Variants in LAMA2 observed in about 807,000 individuals in gnomAD.
LAMA2 encodes the protein laminin subunit alpha 2.
LAMA2 carries 269 observed loss-of-function variants against 364.8 expected under a neutral mutation model. That is an observed-to-expected ratio of 0.74 (90% CI 0.67 to 0.82). LAMA2 has a LOEUF of 0.82. Among genes scored for constraint, LAMA2 ranks in the 40% least tolerant of loss-of-function variants. LAMA2 has a pLI of 0.00. For synonymous variants in LAMA2, 1,379 were observed against 1,370.6 expected, an observed-to-expected ratio of 1.01 and a Z score of -0.14; for missense variants, 3,807 against 3,873.2, an observed-to-expected ratio of 0.98 and a Z score of 0.45.
At position 129,122,614 on chromosome 6, in the gene LAMA2, G is replaced by A. The variant is rs374068132; in HGVS notation, c.640-21287G>A. On this transcript the variant is annotated intron_variant, in intron 4 of 64. Coordinates refer to ENST00000421865, the MANE Select transcript of LAMA2 (RefSeq NM_000426.4). ...ATGAACGTTTATTCCTTGTCTTTTT[G>A]TGTGGATTCAGCAATCTCCAGGTTT... is the stretch of plus-strand genomic sequence containing the variant. Among the ~76,000 whole-genome samples, 109 of 152,128 alleles carry A rather than the reference G, an allele frequency of 7.2e-4. 4 individuals are homozygous for A. The South Asian group carries it at 0.021, about 30-fold the overall frequency.
intron 1 of LAMA2, among the ~76,000 whole-genome samples, chr6:129,017,315 T>C (rs80079631): frequency 1.3e-5 from 2 of 152,032 alleles, no homozygotes; most frequent in African/African-American, 4.8e-5. Context: ...TTTTATGTAA[T>C]AAATGTTACT....
intron 17 of LAMA2, among the ~76,000 whole-genome samples, chr6:129,279,430 T>C (rs1426356300): frequency 6.6e-6 from 1 of 152,170 alleles, no homozygotes; most frequent in African/African-American, 2.4e-5. Context: ...TTTTGAAACA[T>C]GCCAGAGGGT....
chr6:128,900,101 T>C (rs892121380), intron 1 of LAMA2, among the ~76,000 whole-genome samples: 7 of 152,224 alleles, frequency 4.6e-5, no homozygotes, highest in Admixed American at 6.5e-5. Context: ...TGTCAGATAA[T>C]GCATGTGCGT....
intron 37 of LAMA2, among the ~76,000 whole-genome samples, chr6:129,395,365 G>T (rs1355706491): frequency 6.6e-6 from 1 of 152,018 alleles, no homozygotes; most frequent in Non-Finnish European, 1.5e-5. Flanking sequence ...ATTTTATCAA[G>T]CCTCTAATTC....
At chr6:129,483,423 G>A (rs1331318195) in intron 55 of LAMA2, among the ~76,000 whole-genome samples, 1 of 151,906 alleles carries the variant, frequency 6.6e-6, no homozygotes, top group Non-Finnish European at 1.5e-5. Context: ...TAACAAAATA[G>A]ACATAAAGCC....
In LAMA2 at chr6:129,507,620, C is replaced by G; in HGVS notation, c.8835C>G (p.Asp2945Glu). The change falls in exon 62 of 65, where the codon GAC becomes GAG. Residue 2945 changes from aspartate (D) to glutamate (E), a missense_variant. Asp to Glu is a conservative substitution (Grantham distance 45). Coordinates refer to ENST00000421865, the MANE Select transcript of LAMA2 (RefSeq NM_000426.4). ...ATGCTCAGAGGGGAACATATTTTGA[C>G]GGAACCGGTTTTGCCAAAGCAGGTA... ...FANAQRGTYF[D>E]GTGFAKAVGG... 1 of 1,614,130 alleles carries G rather than the reference C, an allele frequency of 6.2e-7. No homozygotes were observed.
chr6:129,280,524 C>T lies in LAMA2; in HGVS notation c.2537+377C>T, dbSNP rs1788649352. ...TTAGCTTTTTGTCCTTAAAATGTAG[C>T]TTAAATGCATAGTTCATAGTTCAGC... On this transcript the variant is annotated intron_variant, in intron 18 of 64. Coordinates refer to ENST00000421865, the MANE Select transcript of LAMA2 (RefSeq NM_000426.4). 2.0e-5 allele frequency among the ~76,000 whole-genome samples: 3 copies of T among 152,048 alleles called. No individual in the cohort carries two copies. The South Asian group carries it at 6.2e-4, about 32-fold the overall frequency.
intron 21 of LAMA2, among the ~76,000 whole-genome samples, chr6:129,300,274 T>C (rs1420062169): frequency 2.0e-5 from 3 of 152,316 alleles, no homozygotes; most frequent in African/African-American, 7.2e-5. Flanking sequence ...ATACATGATG[T>C]ACCGAATTTA....
chr6:129,495,898 A>G (rs905741623), intron 58 of LAMA2, among the ~76,000 whole-genome samples: 1 of 151,464 alleles, frequency 6.6e-6, no homozygotes, highest in East Asian at 1.9e-4. Flanking sequence ...TGTATGTTTT[A>G]ACTTTTCCGA....
At chr6:129,185,419 A>C (rs897469957) in intron 10 of LAMA2, among the ~76,000 whole-genome samples, 2 of 151,874 alleles carry the variant, frequency 1.3e-5, no homozygotes, top group Non-Finnish European at 2.9e-5. Flanking sequence ...TTTTAAAGGG[A>C]AAAGAGAACT....
At chr6:129,094,041 G>GACACAC (rs1429731944) in intron 3 of LAMA2, among the ~76,000 whole-genome samples, 3 of 152,050 alleles carry the variant, frequency 2.0e-5, no homozygotes, top group Non-Finnish European at 4.4e-5. Context: ...ATGAAAACAA[G>GACACAC]ACACAGTTAA....
At chr6:129,186,039 A>G (rs1483417198) in intron 10 of LAMA2, among the ~76,000 whole-genome samples, 1 of 151,756 alleles carries the variant, frequency 6.6e-6, no homozygotes, top group Admixed American at 6.6e-5. Context: ...AATGGACTCT[A>G]TACAAATAAA....
intron 1 of LAMA2, among the ~76,000 whole-genome samples, chr6:128,913,880 T>C (rs941982542): frequency 4.6e-5 from 7 of 152,152 alleles, no homozygotes; most frequent in Non-Finnish European, 8.8e-5. Flanking sequence ...TTTTTTACAT[T>C]ATAGCCAAAG....
intron 32 of LAMA2, among the ~76,000 whole-genome samples, chr6:129,358,591 G>GTT (rs1483994116): frequency 6.6e-6 from 1 of 151,988 alleles, no homozygotes; most frequent in East Asian, 1.9e-4. Context: ...AGGAAGCATG[G>GTT]TGTTATGAAG....
intron 46 of LAMA2, 104 bp from the exon 47 acceptor site, chr6:129,454,048 CATT>C (rs1297832235): frequency 1.3e-6 from 1 of 760,460 alleles, no homozygotes; most frequent in African/African-American, 1.7e-5. Context: ...AGCTCCTAAT[CATT>C]TCACATGTCT....
intron 33 of LAMA2, among the ~76,000 whole-genome samples, chr6:129,368,816 G>A (rs988585527): frequency 6.6e-6 from 1 of 152,000 alleles, no homozygotes; most frequent in Non-Finnish European, 1.5e-5. Flanking sequence ...ATCACCTTCT[G>A]GTATTATAAA....
At chr6:129,292,874 A>G (rs1789811646) in intron 20 of LAMA2, 1 of 985,728 alleles carries the variant, frequency 1.0e-6, no homozygotes, top group Non-Finnish European at 1.2e-6. Flanking sequence ...GCTCTGTGTC[A>G]CCGCAATGTG....
chr6:129,236,786 A>G (rs1293340761), intron 12 of LAMA2, among the ~76,000 whole-genome samples: 1 of 152,132 alleles, frequency 6.6e-6, no homozygotes, highest in Non-Finnish European at 1.5e-5. Context: ...CATCTTATAC[A>G]AGTGGAAACA....
chr6:129,047,224 A>G (rs1787580569), intron 1 of LAMA2, among the ~76,000 whole-genome samples: 1 of 152,166 alleles, frequency 6.6e-6, no homozygotes, highest in African/African-American at 2.4e-5. Flanking sequence ...TTTAAATGGT[A>G]CTCTACTTTT....
Sources: gnomAD v4.1 joint callset for allele counts (sites outside exome capture counted in the v4.1 genomes callset) on GRCh38, gnomAD v4.1.1 for gene constraint, MANE v1.5 for transcripts, NCBI Gene and HGNC (gene_info 2026-07-23, HGNC 2026-07-21) for gene names.